SEZ6L: variants seen among roughly 807,000 people sequenced by gnomAD.
The protein encoded by SEZ6L is seizure 6-like protein.
In SEZ6L, 37 loss-of-function variants were observed where a neutral mutation model predicts 106.2. That is an observed-to-expected ratio of 0.35 (90% CI 0.27 to 0.46). SEZ6L has a LOEUF of 0.46. Ranked by LOEUF, SEZ6L falls within the 20% of genes least tolerant of loss-of-function variation. The probability of loss-of-function intolerance (pLI) is 1.00; values close to 1 mark genes in which losing one functional copy is unlikely to be tolerated. For missense variants in SEZ6L, 1,172 were observed against 1,332.8 expected, an observed-to-expected ratio of 0.88 and a Z score of 1.88; for synonymous variants, 541 against 570.4, an observed-to-expected ratio of 0.95 and a Z score of 0.73.
chr22:26,224,416 GAGA>G (rs1447269626), intron 1 of SEZ6L, among the ~76,000 whole-genome samples: 1 of 152,174 alleles, frequency 6.6e-6, no homozygotes, highest in Non-Finnish European at 1.5e-5. Flanking sequence ...TGAGCTATCA[GAGA>G]AGGAGACAGA....
intron 1 of SEZ6L, among the ~76,000 whole-genome samples, chr22:26,188,552 C>A (rs892304108): frequency 2.8e-4 from 42 of 152,138 alleles, no homozygotes; most frequent in African/African-American, 9.7e-4. Flanking sequence ...CATGACTTGG[C>A]AGCCATCTAT....
intron 9 of SEZ6L, among the ~76,000 whole-genome samples, chr22:26,322,069 T>G (rs957247027): frequency 1.2e-4 from 19 of 152,166 alleles, no homozygotes; most frequent in African/African-American, 4.6e-4. Flanking sequence ...ATTACATAAA[T>G]GAGAGCTAAT....
At chr22:26,312,880 T>C (rs2145925927) in intron 8 of SEZ6L, among the ~76,000 whole-genome samples, 1 of 152,288 alleles carries the variant, frequency 6.6e-6, no homozygotes, top group South Asian at 2.1e-4. Context: ...CGTTTCCCCA[T>C]ATTCAAGGCT....
At chr22:26,304,390 AAGAAAG>A (rs1330948648) in intron 5 of SEZ6L, among the ~76,000 whole-genome samples, 1 of 140,004 alleles carries the variant, frequency 7.1e-6, no homozygotes, top group Non-Finnish European at 1.5e-5. Flanking sequence ...GAAAGAAAGA[AAGAAAG>A]AAAGAAAGAA....
intron 13 of SEZ6L, among the ~76,000 whole-genome samples, chr22:26,366,738 C>T (rs1366829059): frequency 6.6e-6 from 1 of 152,044 alleles, no homozygotes; most frequent in African/African-American, 2.4e-5. Flanking sequence ...AAACAAAATA[C>T]AAGCAAAATA....
At chr22:26,229,363 C>A (rs920092328) in intron 1 of SEZ6L, among the ~76,000 whole-genome samples, 1 of 152,118 alleles carries the variant, frequency 6.6e-6, no homozygotes, top group African/African-American at 2.4e-5. Flanking sequence ...GGCTCTGCCC[C>A]GGGCTTGTAA....
intron 9 of SEZ6L, among the ~76,000 whole-genome samples, chr22:26,323,842 C>T (rs548401032): frequency 6.6e-6 from 1 of 152,052 alleles, no homozygotes; most frequent in Non-Finnish European, 1.5e-5. Flanking sequence ...TACAATGTGC[C>T]AGTCTTTACA....
At chr22:26,350,432 T>G (rs1213385297) in intron 11 of SEZ6L, among the ~76,000 whole-genome samples, 1 of 151,900 alleles carries the variant, frequency 6.6e-6, no homozygotes, top group Non-Finnish European at 1.5e-5. Flanking sequence ...CTTGCTGTGT[T>G]GCCCAGGCTG....
At chr22:26,176,678 T>C (rs954690740) in intron 1 of SEZ6L, among the ~76,000 whole-genome samples, 1 of 152,186 alleles carries the variant, frequency 6.6e-6, no homozygotes, top group African/African-American at 2.4e-5. Flanking sequence ...AATGAGAGGA[T>C]TAGATTTACA....
intron 1 of SEZ6L, among the ~76,000 whole-genome samples, chr22:26,272,655 G>A (rs2080405998): frequency 1.3e-5 from 2 of 152,190 alleles, no homozygotes; most frequent in Non-Finnish European, 2.9e-5. Context: ...CCTTAGCAAA[G>A]CACCTGGCAG....
chr22:26,301,368 A>G (rs1002547357), intron 5 of SEZ6L, among the ~76,000 whole-genome samples: 4 of 152,240 alleles, frequency 2.6e-5, no homozygotes, highest in Non-Finnish European at 5.9e-5. Context: ...ACTGTGTGGT[A>G]GGCATTGCAC....
At chr22:26,307,125 T>C (rs1168385829) in intron 6 of SEZ6L, among the ~76,000 whole-genome samples, 1 of 152,082 alleles carries the variant, frequency 6.6e-6, no homozygotes, top group Non-Finnish European at 1.5e-5. Context: ...TACCTCAGAG[T>C]GGTCCTGTTG....
chr22:26,325,103 G>T (rs564411000), intron 9 of SEZ6L, among the ~76,000 whole-genome samples: 1 of 152,286 alleles, frequency 6.6e-6, no homozygotes, highest in East Asian at 1.9e-4. Context: ...GCTTGGGCTT[G>T]TTCCCATGGT....
intron 1 of SEZ6L, among the ~76,000 whole-genome samples, chr22:26,277,030 G>C (rs1009253527): frequency 6.6e-6 from 1 of 151,844 alleles, no homozygotes; most frequent in Non-Finnish European, 1.5e-5. Flanking sequence ...TACAAAGGAG[G>C]CCCATTCGTG....
At position 26,252,677 on chromosome 22, in the gene SEZ6L, C is replaced by T. The variant is rs544536577; in HGVS notation, c.95-39729C>T. ...ATAAGTGAGAACATGCAGTATTTGG[C>T]TTTCTGTTCCTGAGTTAACTCACTT... On this transcript the variant is annotated intron_variant, in intron 1 of 16. Transcript: ENST00000248933. Among the ~76,000 whole-genome samples, 7 of 152,334 alleles carry T rather than the reference C, an allele frequency of 4.6e-5. No homozygotes were observed. In the South Asian group the frequency reaches 1.0e-3, roughly 23 times the overall value.
intron 12 of SEZ6L, chr22:26,351,493 G>A (rs2083277061): frequency 6.4e-6 from 3 of 467,100 alleles, no homozygotes; most frequent in Non-Finnish European, 1.1e-5. Flanking sequence ...GTAGCCCTGG[G>A]AGCATAGTAT....
chr22:26,246,425 C>G (rs1473092529), intron 1 of SEZ6L, among the ~76,000 whole-genome samples: 1 of 152,168 alleles, frequency 6.6e-6, no homozygotes, highest in Non-Finnish European at 1.5e-5. Flanking sequence ...ATGGGGCACA[C>G]TGCTTTCTAA....
At chr22:26,317,771 T>A (rs2145936516) in intron 9 of SEZ6L, among the ~76,000 whole-genome samples, 1 of 152,202 alleles carries the variant, frequency 6.6e-6, no homozygotes, top group East Asian at 2.0e-4. Context: ...AATCGTAGAT[T>A]GAGCATTGAC....
rs1048925125 is a variant in SEZ6L, at chr22:26,382,296, T to C, written c.*2001T>C. 4.9e-5 allele frequency: 10 copies of C among 202,340 alleles called. No homozygotes were observed. Among genetic ancestry groups the C allele is most frequent in the Admixed American group, 3.8e-4 (7 of 18,490 alleles). The allele number at this position is 202,340 out of a possible 1,614,324, so 12.5% of individuals were successfully genotyped here. A position where few individuals can be genotyped will look rare whatever the true frequency, so the allele number is the denominator to read the frequency against. On this transcript the variant is annotated 3_prime_UTR_variant, in exon 17 of 17. Transcript: ENST00000248933. ...AAAGGCAGAACTCAATCCATTTTAT[T>C]TGATGCTTATTCTAACCCTAACCCT...
Sources: allele counts gnomAD v4.1 joint callset (sites outside exome capture counted in the v4.1 genomes callset), GRCh38; gene constraint gnomAD v4.1.1; transcripts MANE v1.5; gene names NCBI Gene and HGNC (gene_info 2026-07-23, HGNC 2026-07-21).